Variants in LPP observed in about 807,000 individuals in gnomAD.
The protein encoded by LPP is lipoma-preferred partner.
LPP carries 38 observed loss-of-function variants against 60.4 expected under a neutral mutation model. The observed-to-expected ratio is 0.63, with a 90% confidence interval of 0.49 to 0.83. The LOEUF (loss-of-function observed/expected upper bound fraction) is 0.83, where lower values mean the gene tolerates loss of function less well. LPP is among the 40% of genes least tolerant of loss of function. The probability of loss-of-function intolerance (pLI) is 0.00; values close to 1 mark genes in which losing one functional copy is unlikely to be tolerated. For synonymous variants in LPP, 328 were observed against 290.8 expected (o/e 1.13, Z -1.30); for missense variants, 902 against 783.6 (o/e 1.15, Z -1.80).
At chr3:188,683,230 A>G (rs1439395755) in intron 7 of LPP, among the ~76,000 whole-genome samples, 1 of 151,910 alleles carries the variant, frequency 6.6e-6, no homozygotes, top group African/African-American at 2.4e-5. Context: ...GGATGTCTAT[A>G]CACATTCTCA....
intron 2 of LPP, chr3:188,247,215 T>A: frequency 1.0e-6 from 1 of 978,136 alleles, no homozygotes. Flanking sequence ...GTTCTGTGAG[T>A]AGTACAACTC....
At chr3:188,230,449 T>C (rs1719481173) in intron 2 of LPP, among the ~76,000 whole-genome samples, 1 of 152,102 alleles carries the variant, frequency 6.6e-6, no homozygotes, top group Non-Finnish European at 1.5e-5. Flanking sequence ...AGATAAATTA[T>C]AGTCTCAGAT....
In LPP at chr3:188,750,632, C is replaced by T. The variant is rs373101185; in HGVS notation, c.1241-9481C>T. Among the ~76,000 whole-genome samples the T allele has an allele frequency of 6.7e-4, 101 of 151,586 alleles. 2 individuals are homozygous for T. The highest frequency in any genetic ancestry group is 2.3e-3 in the African/African-American group (95 of 41,366). On this transcript the variant is annotated intron_variant, in intron 8 of 11. Transcript: ENST00000617246. ...TGGGCAACCGAGTGAGACTCCATCTCAAAAAATAAAAAAAAAAGTTTACTA... is the reference window on the plus strand; with the variant it reads ...TGGGCAACCGAGTGAGACTCCATCTTAAAAAATAAAAAAAAAAGTTTACTA...
intron 7 of LPP, among the ~76,000 whole-genome samples, chr3:188,656,239 G>A (rs1201412143): frequency 6.6e-6 from 1 of 151,164 alleles, no homozygotes; most frequent in African/African-American, 2.4e-5. Flanking sequence ...TAGAAAGAAG[G>A]TCTGTGCCCA....
intron 1 of LPP, among the ~76,000 whole-genome samples, chr3:188,155,469 A>G (rs1715988880): frequency 6.6e-6 from 1 of 152,220 alleles, no homozygotes; most frequent in African/African-American, 2.4e-5. Flanking sequence ...AAGAAAGCCT[A>G]AAGTGAAGAA....
intron 8 of LPP, among the ~76,000 whole-genome samples, chr3:188,720,623 A>G (rs974028975): frequency 2.0e-5 from 3 of 150,114 alleles, no homozygotes; most frequent in Non-Finnish European, 3.0e-5. Context: ...AAAAAAAAAA[A>G]GGGAAATCAC....
chr3:188,485,796 CAAA>C lies in LPP; in HGVS notation c.306+1108_306+1110del, dbSNP rs766522013. Among the ~76,000 whole-genome samples the C allele has an allele frequency of 2.5e-4, 10 of 40,156 alleles. 2 individuals carry two copies. Among genetic ancestry groups the C allele is most frequent in the African/African-American group, 8.7e-4 (8 of 9,248 alleles). The allele number at this position is 40,156 out of a possible 152,430, so 26.3% of individuals were successfully genotyped here. A position where few individuals can be genotyped will look rare whatever the true frequency, so the allele number is the denominator to read the frequency against. On this transcript the variant is annotated intron_variant, in intron 5 of 11. Coordinates refer to ENST00000617246, the MANE Select transcript of LPP (RefSeq NM_001375462.1). ...TGGGCGACAGAGCGAGACTCCGTCT[CAAA>C]AAAAAAAAAAAAAAATGGAATGGTG...
intron 6 of LPP, among the ~76,000 whole-genome samples, chr3:188,588,240 T>G (rs1837913555): frequency 6.6e-6 from 1 of 152,188 alleles, no homozygotes; most frequent in South Asian, 2.1e-4. Context: ...ACAGAAGTAA[T>G]TTGCATCAGA....
intron 7 of LPP, among the ~76,000 whole-genome samples, chr3:188,673,059 G>A (rs1305037125): frequency 6.6e-6 from 1 of 151,398 alleles, no homozygotes; most frequent in Admixed American, 6.6e-5. Flanking sequence ...AACATGGTCT[G>A]TCTGTTCCAG....
chr3:188,330,175 A>G (rs976897370), intron 2 of LPP, among the ~76,000 whole-genome samples: 1 of 152,166 alleles, frequency 6.6e-6, no homozygotes, highest in African/African-American at 2.4e-5. Context: ...AGTCTATGAG[A>G]CTGTATTGAA....
In LPP at chr3:188,801,606, C is replaced by T. The variant is rs933482986; in HGVS notation, c.1410+41324C>T. Among the ~76,000 whole-genome samples, 8 of 152,092 alleles carry T rather than the reference C, an allele frequency of 5.3e-5. No individual in the cohort carries two copies. The East Asian group carries it at 5.8e-4, about 11-fold the overall frequency. Reference sequence around the variant, plus strand: ...GCCAAGCTTTTAATTCTATAAATAGCGAATCTATGTAGACACTCAGCTAGT... The same window carrying T: ...GCCAAGCTTTTAATTCTATAAATAGTGAATCTATGTAGACACTCAGCTAGT... On this transcript the variant is annotated intron_variant, in intron 9 of 11. Transcript: ENST00000617246.
At chr3:188,811,792 T>A (rs1330321374) in intron 9 of LPP, among the ~76,000 whole-genome samples, 1 of 152,162 alleles carries the variant, frequency 6.6e-6, no homozygotes, top group Non-Finnish European at 1.5e-5. Flanking sequence ...ACTGAAACGT[T>A]TGAGTATTGG....
chr3:188,609,406 G>C lies in LPP; in HGVS notation c.675G>C (p.Val225=), dbSNP rs772214593. Reference sequence around the variant, plus strand: ...CAAGGCCTACCTTTAATGTGCAGGTGAAGTCAGCCCAGCCCAGCCCTCATT... The same window carrying C: ...CAAGGCCTACCTTTAATGTGCAGGTCAAGTCAGCCCAGCCCAGCCCTCATT... The part of the protein sequence containing the change: ...TSSRPTFNVQ[V]KSAQPSPHYM... Residue 225 remains valine (V), a synonymous_variant, in exon 7 of 12, where the codon GTG becomes GTC. Coordinates refer to ENST00000617246, the MANE Select transcript of LPP (RefSeq NM_001375462.1). This position sits in a 1 kb window ranked among gnomAD's most constrained non-coding sequence, Gnocchi z 6.9. The C allele has an allele frequency of 6.2e-7, 1 of 1,614,016 alleles. No individual in the cohort carries two copies. Among genetic ancestry groups the C allele is most frequent in the African/African-American group, 1.3e-5 (1 of 74,904 alleles).
At chr3:188,780,262 CT>C (rs1739213623) in intron 9 of LPP, among the ~76,000 whole-genome samples, 1 of 152,158 alleles carries the variant, frequency 6.6e-6, no homozygotes, top group African/African-American at 2.4e-5. Flanking sequence ...GAAATCAAAC[CT>C]TTGTGTTTCC....
chr3:188,837,131 C>T (rs1758640565), intron 9 of LPP, among the ~76,000 whole-genome samples: 1 of 152,122 alleles, frequency 6.6e-6, no homozygotes, highest in Admixed American at 6.6e-5. Flanking sequence ...GGCTTCCCAG[C>T]AGCACCTTGG....
At chr3:188,378,299 C>G (rs1230350464) in intron 3 of LPP, among the ~76,000 whole-genome samples, 2 of 152,322 alleles carry the variant, frequency 1.3e-5, no homozygotes, top group East Asian at 3.9e-4. Context: ...TGCCCTGCCC[C>G]CAGAGGTGGA....
chr3:188,158,964 T>G (rs1229641038), intron 1 of LPP, among the ~76,000 whole-genome samples: 1 of 152,194 alleles, frequency 6.6e-6, no homozygotes, highest in Non-Finnish European at 1.5e-5. Flanking sequence ...TTCTAGCCCC[T>G]TTTTCTCTCT....
At chr3:188,240,458 T>G (rs142635712) in intron 2 of LPP, among the ~76,000 whole-genome samples, 1 of 152,054 alleles carries the variant, frequency 6.6e-6, no homozygotes, top group Non-Finnish European at 1.5e-5. Flanking sequence ...AGCAACTTCA[T>G]AGGCACAGAA....
intron 2 of LPP, among the ~76,000 whole-genome samples, chr3:188,266,939 G>A (rs6444272): frequency 0.45 from 68,185 of 151,934 alleles, 15,585 homozygotes; most frequent in Middle Eastern, 0.6. Flanking sequence ...GGAATGGGAA[G>A]GTGAAGTCCA....
Sources: gnomAD v4.1 joint callset for allele counts (sites outside exome capture counted in the v4.1 genomes callset) on GRCh38, gnomAD v4.1.1 for gene constraint, Gnocchi (gnomAD v3.1) non-coding constraint, MANE v1.5 for transcripts, NCBI Gene and HGNC (gene_info 2026-07-23, HGNC 2026-07-21) for gene names.